CHST15: variants seen among roughly 807,000 people sequenced by gnomAD.
The protein encoded by CHST15 is B cell RAG associated protein (GALNAC4S-6ST).
Under a neutral mutation model 53.6 loss-of-function variants are expected in CHST15, and 30 were observed. That is an observed-to-expected ratio of 0.56 (90% CI 0.42 to 0.76). CHST15 has a LOEUF of 0.76. Among genes scored for constraint, CHST15 ranks in the 30% least tolerant of loss-of-function variants. CHST15 has a pLI of 0.00. For missense variants in CHST15, 627 were observed against 740.5 expected, an observed-to-expected ratio of 0.85 and a Z score of 1.78; for synonymous variants, 296 against 289.8, an observed-to-expected ratio of 1.02 and a Z score of -0.22.
chr10:124,061,357 C>T (rs1281051443), intron 1 of CHST15, among the ~76,000 whole-genome samples: 2 of 152,176 alleles, frequency 1.3e-5, no homozygotes, highest in East Asian at 3.8e-4. Flanking sequence ...ATGGGTTTAT[C>T]GGGGGTTTCC....
chr10:124,057,524 C>G (rs572105438), intron 1 of CHST15, among the ~76,000 whole-genome samples: 1 of 152,192 alleles, frequency 6.6e-6, no homozygotes, highest in Non-Finnish European at 1.5e-5. Context: ...TCCGTTCGTA[C>G]AGACAAATAA....
intron 1 of CHST15, among the ~76,000 whole-genome samples, chr10:124,077,318 C>T (rs1255595648): frequency 2.0e-5 from 3 of 152,214 alleles, no homozygotes; most frequent in Non-Finnish European, 4.4e-5. Flanking sequence ...TTCCATGAGC[C>T]TGTTTATCAT....
At chr10:124,018,717 A>C (rs1946667850) in intron 6 of CHST15, among the ~76,000 whole-genome samples, 1 of 152,204 alleles carries the variant, frequency 6.6e-6, no homozygotes, top group Non-Finnish European at 1.5e-5. Context: ...TAGTGATGGC[A>C]GTTCAGCATC....
chr10:124,054,561 T>C (rs1056281336), intron 1 of CHST15, among the ~76,000 whole-genome samples: 3 of 152,130 alleles, frequency 2.0e-5, no homozygotes, highest in East Asian at 1.9e-4. Context: ...GGTAGAAAGA[T>C]GGGATGTAGG....
intron 1 of CHST15, among the ~76,000 whole-genome samples, chr10:124,053,843 G>A (rs1451915669): frequency 6.6e-6 from 1 of 152,008 alleles, no homozygotes; most frequent in African/African-American, 2.4e-5. Flanking sequence ...GCTTGAGCCT[G>A]GGGAGGTTGA....
At position 124,050,350 on chromosome 10, in the gene CHST15, T is replaced by C. The variant is rs1397347069; in HGVS notation, c.-512-3626A>G. ...AAGAAGTCCCAAATGAATAAGATAA[T>C]CACAGATGCTGCTAGATAAAGGCTA... On this transcript the variant is annotated intron_variant, in intron 1 of 7. Coordinates refer to ENST00000435907, the MANE Select transcript of CHST15 (RefSeq NM_001270764.2). Among the ~76,000 whole-genome samples, 4 of 151,946 alleles carry C rather than the reference T, an allele frequency of 2.6e-5. No homozygotes were observed. In the East Asian group the frequency reaches 7.7e-4, roughly 29 times the overall value.
chr10:124,052,936 G>A (rs1948252173), intron 1 of CHST15, among the ~76,000 whole-genome samples: 1 of 152,110 alleles, frequency 6.6e-6, no homozygotes, highest in African/African-American at 2.4e-5. Flanking sequence ...AGGAGGCTGA[G>A]ACAGGAGAAT....
intron 6 of CHST15, among the ~76,000 whole-genome samples, chr10:124,017,521 G>A (rs528620811): frequency 1.3e-5 from 2 of 152,084 alleles, no homozygotes; most frequent in East Asian, 1.9e-4. Flanking sequence ...TGGTAGAAAC[G>A]CCCAGGTGGA....
At chr10:124,018,810 G>T (rs1946671264) in intron 6 of CHST15, among the ~76,000 whole-genome samples, 2 of 152,186 alleles carry the variant, frequency 1.3e-5, no homozygotes, top group South Asian at 4.1e-4. Context: ...AAGCTGTGCA[G>T]GTGGAGGTTA....
intron 1 of CHST15, among the ~76,000 whole-genome samples, chr10:124,091,675 G>A (rs868659180): frequency 4.6e-5 from 7 of 152,364 alleles, no homozygotes; most frequent in African/African-American, 1.4e-4. Context: ...CGAGAACTCG[G>A]TACAATTAAC....
intron 1 of CHST15, among the ~76,000 whole-genome samples, chr10:124,053,420 C>G (rs1248071664): frequency 4.6e-5 from 7 of 151,982 alleles, no homozygotes; most frequent in African/African-American, 1.7e-4. Flanking sequence ...TGAGCCCACC[C>G]AGAGCAGCCA....
intron 1 of CHST15, among the ~76,000 whole-genome samples, chr10:124,091,104 G>A (rs778668880): frequency 2.0e-5 from 3 of 152,242 alleles, no homozygotes; most frequent in Non-Finnish European, 4.4e-5. Flanking sequence ...GAGGTGGCAA[G>A]AAAGAAAATC....
rs151051032 is a variant in CHST15 at position 124,027,582 on chromosome 10, G to A, written c.1191-6170C>T. On this transcript the variant is annotated intron_variant, in intron 5 of 7. Transcript: ENST00000435907. The stretch of plus-strand genomic sequence containing the variant: ...CCAGGGCTCTGTGTGATTGCTTTCC[G>A]GGTTTAGTACCTGCAATGTTCTCAG... Among the ~76,000 whole-genome samples, 778 of 152,286 alleles carry A rather than the reference G, an allele frequency of 5.1e-3. 2 individuals are homozygous for A. The highest frequency in any genetic ancestry group is 8.3e-3 in the African/African-American group (343 of 41,538).
chr10:124,091,192 C>T (rs1473886355), intron 1 of CHST15, among the ~76,000 whole-genome samples: 3 of 152,188 alleles, frequency 2.0e-5, no homozygotes, highest in African/African-American at 7.2e-5. Flanking sequence ...ATTTTTATTC[C>T]TATACTACTT....
intron 1 of CHST15, among the ~76,000 whole-genome samples, chr10:124,068,007 A>T (rs924693444): frequency 3.3e-5 from 5 of 152,228 alleles, no homozygotes; most frequent in African/African-American, 1.2e-4. Context: ...TGAAAATGAT[A>T]CATTGAGGCA....
At position 124,044,686 on chromosome 10, in the gene CHST15, C is replaced by T; in HGVS notation, c.780G>A (p.Gly260=). 6.2e-7 allele frequency: 1 copy of T among 1,613,796 alleles called. No individual in the cohort carries two copies. Among genetic ancestry groups the T allele is most frequent in the Non-Finnish European group, 8.5e-7 (1 of 1,179,880 alleles). The change falls in exon 3 of 8, where the codon GGG becomes GGA. Residue 260 remains glycine (G), a synonymous_variant. Coordinates refer to ENST00000435907, the MANE Select transcript of CHST15 (RefSeq NM_001270764.2). The stretch of plus-strand genomic sequence containing the variant: ...GGTCTGTGGTCCCGCACTTGGGCTG[C>T]CCTATGATGTAGAAGTGCGGCAGGC... ...LRCLPHFYII[G]QPKCGTTDLY... is the part of the protein sequence containing the mutation.
At chr10:124,062,396 A>C (rs1191758428) in intron 1 of CHST15, among the ~76,000 whole-genome samples, 1 of 152,166 alleles carries the variant, frequency 6.6e-6, no homozygotes, top group Non-Finnish European at 1.5e-5. Context: ...AGGCAGGTGA[A>C]CATCCACACG....
intron 5 of CHST15, among the ~76,000 whole-genome samples, chr10:124,026,603 G>A (rs1947021483): frequency 6.6e-6 from 1 of 152,196 alleles, no homozygotes; most frequent in Non-Finnish European, 1.5e-5. Flanking sequence ...AAAACACACA[G>A]CTCACGATCA....
chr10:124,068,279 G>C (rs925584622), intron 1 of CHST15, among the ~76,000 whole-genome samples: 1 of 152,094 alleles, frequency 6.6e-6, no homozygotes, highest in African/African-American at 2.4e-5. Context: ...CTGGCTCCAC[G>C]GCCTGACACT....
Sources: allele counts gnomAD v4.1 joint callset (sites outside exome capture counted in the v4.1 genomes callset), GRCh38; gene constraint gnomAD v4.1.1; transcripts MANE v1.5; gene names NCBI Gene and HGNC (gene_info 2026-07-23, HGNC 2026-07-21).